Variants in PXDNL observed in about 807,000 individuals in gnomAD.
The protein encoded by PXDNL is peroxidasin like.
PXDNL carries 145 observed loss-of-function variants against 150.8 expected under a neutral mutation model. The observed-to-expected ratio is 0.96, with a 90% CI of 0.84 to 1.10. PXDNL has a LOEUF of 1.10. Among genes scored for constraint, PXDNL ranks in the 50% least tolerant of loss-of-function variants. The pLI, the probability that PXDNL is intolerant of heterozygous loss-of-function variation, is 0.00. For missense variants in PXDNL, 2,087 were observed against 1,873.9 expected (o/e 1.11, Z -2.10); for synonymous variants, 757 against 725.7 (o/e 1.04, Z -0.69).
At chr8:51,489,215 G>A (rs1339362908) in intron 5 of PXDNL, among the ~76,000 whole-genome samples, 2 of 152,148 alleles carry the variant, frequency 1.3e-5, no homozygotes, top group Non-Finnish European at 2.9e-5. Context: ...TAATTAAAGA[G>A]AATCTTTCAA....
intron 1 of PXDNL, among the ~76,000 whole-genome samples, chr8:51,719,021 C>G (rs113320784): frequency 0.037 from 5,656 of 151,930 alleles, 336 homozygotes; most frequent in African/African-American, 0.12. Flanking sequence ...CCAGCCGCCC[C>G]GTCCGGGAGG....
intron 3 of PXDNL, among the ~76,000 whole-genome samples, chr8:51,578,003 AAGGAAGGAAGGAAGGAAGG>A (rs1563471225): frequency 1.1e-3 from 68 of 62,880 alleles, no homozygotes; most frequent in African/African-American, 5.0e-3. Context: ...AAGAAAGAGG[AAGGAAGGAAGGAAGGAAGG>A]AAGGAAGGAA....
At chr8:51,475,264 A>G in intron 6 of PXDNL, 123 bp from the exon 7 acceptor site, 1 of 904,470 alleles carries the variant, frequency 1.1e-6, no homozygotes. Flanking sequence ...TGACTCCAGG[A>G]TTCTATTAAC....
chr8:51,621,888 G>T (rs986596941), intron 2 of PXDNL, among the ~76,000 whole-genome samples: 1 of 146,732 alleles, frequency 6.8e-6, no homozygotes, highest in Non-Finnish European at 1.5e-5. Context: ...GAGTTGCAGT[G>T]ACCCAAGATC....
intron 4 of PXDNL, among the ~76,000 whole-genome samples, chr8:51,524,616 T>C (rs1811730381): frequency 6.6e-6 from 1 of 152,178 alleles, no homozygotes; most frequent in Non-Finnish European, 1.5e-5. Flanking sequence ...ACTTTTCTTA[T>C]GATGCCACCA....
At chr8:51,759,410 G>A (rs1189745099) in intron 1 of PXDNL, among the ~76,000 whole-genome samples, 1 of 152,094 alleles carries the variant, frequency 6.6e-6, no homozygotes, top group African/African-American at 2.4e-5. Context: ...TTCCTGCATA[G>A]GACGTCTCAG....
At chr8:51,449,173 G>T in intron 10 of PXDNL, 55 bp from the exon 11 acceptor site, 1 of 963,012 alleles carries the variant, frequency 1.0e-6, no homozygotes, top group Non-Finnish European at 1.6e-6. Flanking sequence ...AATTTTCAGT[G>T]CCAATAGAAA....
intron 5 of PXDNL, among the ~76,000 whole-genome samples, chr8:51,494,038 G>A (rs373217985): frequency 1.3e-4 from 20 of 152,078 alleles, no homozygotes; most frequent in Non-Finnish European, 2.6e-4. Context: ...GAGAAAGGTC[G>A]GGTTACCCAC....
chr8:51,755,550 C>T (rs1036584083), intron 1 of PXDNL, among the ~76,000 whole-genome samples: 2 of 152,154 alleles, frequency 1.3e-5, no homozygotes, highest in Non-Finnish European at 2.9e-5. Flanking sequence ...CCTCGGCCTC[C>T]CAAAGTGCTG....
At chr8:51,413,076 C>T in intron 15 of PXDNL, 74 bp downstream of exon 15, 1 of 897,426 alleles carries the variant, frequency 1.1e-6, no homozygotes, top group Non-Finnish European at 1.8e-6. Context: ...TATAATGTGA[C>T]TTATGGAGAT....
intron 1 of PXDNL, among the ~76,000 whole-genome samples, chr8:51,714,517 T>C (rs527729289): frequency 2.6e-5 from 4 of 152,164 alleles, no homozygotes; most frequent in Non-Finnish European, 5.9e-5. Context: ...TTTGGGGTTA[T>C]AATATTCTGG....
intron 22 of PXDNL, 53 bp from the exon 23 acceptor site, chr8:51,320,075 TAA>T: frequency 7.8e-7 from 1 of 1,288,668 alleles, no homozygotes. Context: ...TCAAAGTACT[TAA>T]AAGACAAATA....
chr8:51,399,718 C>T (rs1354514775), intron 17 of PXDNL, among the ~76,000 whole-genome samples: 1 of 152,090 alleles, frequency 6.6e-6, no homozygotes, highest in East Asian at 1.9e-4. Flanking sequence ...GTGCATTGTA[C>T]CACATGCCAC....
chr8:51,680,376 C>T (rs541944522), intron 1 of PXDNL, among the ~76,000 whole-genome samples: 27 of 152,076 alleles, frequency 1.8e-4, no homozygotes, highest in African/African-American at 6.0e-4. Flanking sequence ...TTCATGAGTG[C>T]CTTGACAATG....
At chr8:51,366,942 A>C (rs1163719346) in intron 19 of PXDNL, among the ~76,000 whole-genome samples, 1 of 151,814 alleles carries the variant, frequency 6.6e-6, no homozygotes, top group Non-Finnish European at 1.5e-5. Flanking sequence ...CTCTACTAAA[A>C]ATACAAAAAT....
At chr8:51,554,774 G>A (rs1056690871) in intron 4 of PXDNL, among the ~76,000 whole-genome samples, 1 of 152,134 alleles carries the variant, frequency 6.6e-6, no homozygotes, top group Non-Finnish European at 1.5e-5. Context: ...GACCCCATCA[G>A]AATTGCCTTA....
chr8:51,580,550 C>T (rs1001664913), intron 3 of PXDNL, among the ~76,000 whole-genome samples: 2 of 152,148 alleles, frequency 1.3e-5, no homozygotes, highest in Non-Finnish European at 2.9e-5. Context: ...TTCCACACAT[C>T]TGTTCATTAG....
intron 4 of PXDNL, among the ~76,000 whole-genome samples, chr8:51,509,815 CGT>C (rs1341958594): frequency 2.0e-5 from 3 of 148,960 alleles, no homozygotes; most frequent in Admixed American, 1.3e-4. Flanking sequence ...TATACATATA[CGT>C]GTGTGTGTGT....
chr8:51,534,405 C>T (rs1462453888), intron 4 of PXDNL, among the ~76,000 whole-genome samples: 2 of 135,642 alleles, frequency 1.5e-5, no homozygotes, highest in Admixed American at 7.1e-5. Flanking sequence ...AGGTGAGGGG[C>T]GCCTCTGCCC....
Sources: gnomAD v4.1 joint callset for allele counts (sites outside exome capture counted in the v4.1 genomes callset) on GRCh38, gnomAD v4.1.1 for gene constraint, MANE v1.5 for transcripts, NCBI Gene and HGNC (gene_info 2026-07-23, HGNC 2026-07-21) for gene names.